The following ABRAXAS1 variants were observed in gnomAD, a reference collection of about 807,000 sequenced individuals.
ABRAXAS1 encodes abraxas 1, BRCA1 A complex subunit.
ABRAXAS1 carries 26 observed loss-of-function variants against 38.4 expected under a neutral mutation model. The observed-to-expected ratio is 0.68, with a 90% CI of 0.50 to 0.94. The LOEUF is 0.94. Ranked by LOEUF, ABRAXAS1 falls within the 40% of genes least tolerant of loss-of-function variation. The pLI, the probability that ABRAXAS1 is intolerant of heterozygous loss-of-function variation, is 0.00. For missense variants in ABRAXAS1, 438 were observed against 481.9 expected, an observed-to-expected ratio of 0.91 and a Z score of 0.85; for synonymous variants, 144 against 165.5, an observed-to-expected ratio of 0.87 and a Z score of 1.00.
At chr4:83,467,961 A>G (rs1233116276) in intron 6 of ABRAXAS1, among the ~76,000 whole-genome samples, 2 of 152,188 alleles carry the variant, frequency 1.3e-5, no homozygotes, top group Admixed American at 1.3e-4. Flanking sequence ...AAGTAATTCT[A>G]AGAAGGCATG....
At position 83,484,997 on chromosome 4, in the gene ABRAXAS1, C is replaced by A. The variant is rs955473473; in HGVS notation, c.76G>T (p.Asp26Tyr). ...GTCCCTCGGCTCACCGTGTCCGAGTCCGTGTTGAGGTGCTGGAAAGCGAGT... is the reference window on the plus strand; with the variant it reads ...GTCCCTCGGCTCACCGTGTCCGAGTACGTGTTGAGGTGCTGGAAAGCGAGT... ...GALAFQHLNTDSDTEGFLLGE... is the reference protein window; with the variant it reads ...GALAFQHLNTYSDTEGFLLGE... Residue 26 changes from aspartate (D) to tyrosine (Y), a missense_variant, in exon 1 of 9, where the codon GAC becomes TAC. By Grantham distance (160) the Asp-to-Tyr change is radical (BLOSUM62 -3). Around this residue, in one of 3 missense-constraint regions of ABRAXAS1, gnomAD observed 194 missense variants for 269.0 expected, o/e 0.72. Transcript: ENST00000321945. 6.3e-7 allele frequency: 1 copy of A among 1,589,056 alleles called. No homozygotes were observed. Among genetic ancestry groups the A allele is most frequent in the African/African-American group, 1.4e-5 (1 of 72,018 alleles).
chr4:83,462,921 C>T lies in ABRAXAS1; in HGVS notation c.797-19G>A, dbSNP rs199624910. The T allele has an allele frequency of 3.2e-4, 466 of 1,465,374 alleles. No individual in the cohort carries two copies. The highest frequency in any genetic ancestry group is 4.1e-4 in the Non-Finnish European group (440 of 1,084,388). 90.8% of individuals were successfully genotyped at this position (1,465,374 alleles called of 1,614,324 possible). A position where few individuals can be genotyped will look rare whatever the true frequency, so the allele number is the denominator to read the frequency against. On this transcript the variant is annotated intron_variant, in intron 8 of 8. Transcript: ENST00000321945. ...TTCTCTCCTAAACAAAATAGAATAA[C>T]AGTTCAACATATAACATTTCTTCTA...
In ABRAXAS1 at chr4:83,459,948, G is replaced by C; in HGVS notation, c.*2521C>G. The C allele has an allele frequency of 3.4e-6, 2 of 583,546 alleles. No individual in the cohort carries two copies. The highest frequency in any genetic ancestry group is 5.8e-6 in the Non-Finnish European group (2 of 342,096). The allele number at this position is 583,546 out of a possible 1,614,324, so 36.1% of individuals were successfully genotyped here. A position where few individuals can be genotyped will look rare whatever the true frequency, so the allele number is the denominator to read the frequency against. On this transcript the variant is annotated 3_prime_UTR_variant, in exon 9 of 9. Coordinates refer to ENST00000321945, the MANE Select transcript of ABRAXAS1 (RefSeq NM_139076.3). ...GACTAGAGCTAGTTACTATGAAAAA[G>C]TCTCTTAGGCCAAGAGGATTATTAT...
At chr4:83,484,296 T>C (rs1659726855) in intron 1 of ABRAXAS1, 1 of 752,476 alleles carries the variant, frequency 1.3e-6, no homozygotes, top group Non-Finnish European at 1.6e-6. Context: ...TTTCAGATGC[T>C]TAGACTTTCT....
At chr4:83,465,854 T>TA (rs548792185) in intron 7 of ABRAXAS1, among the ~76,000 whole-genome samples, 26 of 152,156 alleles carry the variant, frequency 1.7e-4, no homozygotes, top group Non-Finnish European at 3.1e-4. Context: ...TATGAAAAAG[T>TA]AGTGTAATAT....
chr4:83,484,517 A>G lies in ABRAXAS1; in HGVS notation c.87+469T>C, dbSNP rs373780280. Among the ~76,000 whole-genome samples, 21 of 152,372 alleles carry G rather than the reference A, an allele frequency of 1.4e-4. 1 individual carries two copies. The highest frequency in any genetic ancestry group is 8.5e-4 in the Admixed American group (13 of 15,306). On this transcript the variant is annotated intron_variant, in intron 1 of 8. Coordinates refer to ENST00000321945, the MANE Select transcript of ABRAXAS1 (RefSeq NM_139076.3). ...AGATTTGCCACTGGACGCAACATCTATTTTTATTCCCTTACCATCCTACCA... is the reference window on the plus strand; with the variant it reads ...AGATTTGCCACTGGACGCAACATCTGTTTTTATTCCCTTACCATCCTACCA...
intron 7 of ABRAXAS1, 185 bp downstream of exon 7, chr4:83,467,269 G>A (rs1430311842): frequency 1.2e-5 from 6 of 490,044 alleles, no homozygotes; most frequent in African/African-American, 1.2e-4. Flanking sequence ...GTTTGTGTAA[G>A]TATATGTTTG....
chr4:83,472,342 TTA>T, intron 3 of ABRAXAS1, 54 bp from the exon 4 acceptor site: 1 of 1,093,622 alleles, frequency 9.1e-7, no homozygotes, highest in Non-Finnish European at 1.3e-6. Context: ...ATAAGTAATT[TTA>T]TTAGTATTTT....
chr4:83,480,520 AC>A lies in ABRAXAS1; in HGVS notation c.178+1633del, dbSNP rs372024419. Among the ~76,000 whole-genome samples the A allele has an allele frequency of 4.7e-3, 712 of 152,302 alleles. 7 individuals are homozygous for A. The highest frequency in any genetic ancestry group is 0.016 in the African/African-American group (678 of 41,564). On this transcript the variant is annotated intron_variant, in intron 2 of 8. Coordinates refer to ENST00000321945, the MANE Select transcript of ABRAXAS1 (RefSeq NM_139076.3). ...TGAGAGTTTAAATTTTTTATTTCCTACTTTATATATTTCTATTTTTAAACTT... is the reference window on the plus strand; with the variant it reads ...TGAGAGTTTAAATTTTTTATTTCCTATTTATATATTTCTATTTTTAAACTT...
At chr4:83,484,872 G>A in intron 1 of ABRAXAS1, 114 bp downstream of exon 1, 2 of 834,246 alleles carry the variant, frequency 2.4e-6, no homozygotes, top group Non-Finnish European at 3.5e-6. Flanking sequence ...ACCGCAGGGA[G>A]GAGGCGCGGC....
At chr4:83,467,432 C>T (rs376420276) in intron 7 of ABRAXAS1, 22 bp downstream of exon 7, 18 of 1,255,248 alleles carry the variant, frequency 1.4e-5, no homozygotes, top group South Asian at 4.9e-5. Flanking sequence ...AAGTGGTTGA[C>T]GTGTTTGATA....
intron 1 of ABRAXAS1, 35 bp downstream of exon 1, chr4:83,484,951 G>T: frequency 6.5e-7 from 1 of 1,539,522 alleles, no homozygotes. Context: ...GCTCTTCCCA[G>T]GCGACGCCGG....
intron 4 of ABRAXAS1, 46 bp from the exon 5 acceptor site, chr4:83,470,442 A>G (rs907497479): frequency 7.3e-7 from 1 of 1,361,378 alleles, no homozygotes; most frequent in Non-Finnish European, 1.0e-6. Context: ...AGTTACAATG[A>G]TATGTCTTAC....
At chr4:83,464,851 G>A (rs1722288123) in intron 7 of ABRAXAS1, among the ~76,000 whole-genome samples, 1 of 151,488 alleles carries the variant, frequency 6.6e-6, no homozygotes, top group African/African-American at 2.4e-5. Flanking sequence ...TGCAGACACA[G>A]AAAGTTCTAT....
intron 3 of ABRAXAS1, among the ~76,000 whole-genome samples, chr4:83,476,221 C>T (rs2110044467): frequency 6.6e-6 from 1 of 152,130 alleles, no homozygotes; most frequent in South Asian, 2.1e-4. Context: ...AAGAACATAA[C>T]CAGCTAACAG....
chr4:83,480,399 C>T lies in ABRAXAS1; in HGVS notation c.178+1755G>A, dbSNP rs576047707. ...AACAAAAACAAAATGTATATATACACATATATATACACACACACATTTACA... is the reference window on the plus strand; with the variant it reads ...AACAAAAACAAAATGTATATATACATATATATATACACACACACATTTACA... On this transcript the variant is annotated intron_variant, in intron 2 of 8. Transcript: ENST00000321945. The T allele has an allele frequency of 8.7e-5, 35 of 402,858 alleles. No homozygotes were observed. In the Admixed American group the frequency reaches 9.8e-4, roughly 11 times the overall value. 25.0% of individuals were successfully genotyped at this position (402,858 alleles called of 1,614,324 possible). A position where few individuals can be genotyped will look rare whatever the true frequency, so the allele number is the denominator to read the frequency against.
intron 7 of ABRAXAS1, among the ~76,000 whole-genome samples, chr4:83,466,507 A>G (rs961974349): frequency 1.3e-5 from 2 of 151,990 alleles, no homozygotes; most frequent in African/African-American, 4.8e-5. Flanking sequence ...CGTTTTAAGC[A>G]AAGTTTTAAG....
Position 83,484,998 on chromosome 4 carries a change from C to A in ABRAXAS1, c.75G>T (p.Thr25=). The A allele has an allele frequency of 6.3e-7, 1 of 1,588,016 alleles. No individual in the cohort carries two copies. The highest frequency in any genetic ancestry group is 8.6e-7 in the Non-Finnish European group (1 of 1,167,480). ...LGALAFQHLN[T]DSDTEGFLLG... ...TCCCTCGGCTCACCGTGTCCGAGTC[C>A]GTGTTGAGGTGCTGGAAAGCGAGTG... is the stretch of plus-strand genomic sequence containing the variant. The change falls in exon 1 of 9, where the codon ACG becomes ACT. Residue 25 remains threonine, a synonymous_variant. Transcript: ENST00000321945.
In ABRAXAS1 at chr4:83,460,887, C is replaced by T. The variant is rs1339084061; in HGVS notation, c.*1582G>A. On this transcript the variant is annotated 3_prime_UTR_variant, in exon 9 of 9. Coordinates refer to ENST00000321945, the MANE Select transcript of ABRAXAS1 (RefSeq NM_139076.3). Reference sequence around the variant, plus strand: ...CACCACTGTACTCCAGCCTGGGTGACACAGGGAGACTCCATCTCAAAAAAA... The same window carrying T: ...CACCACTGTACTCCAGCCTGGGTGATACAGGGAGACTCCATCTCAAAAAAA... 1 of 1,145,072 alleles carries T rather than the reference C, an allele frequency of 8.7e-7. No individual in the cohort carries two copies. The highest frequency in any genetic ancestry group is 1.3e-6 in the Non-Finnish European group (1 of 785,604). The allele number at this position is 1,145,072 out of a possible 1,614,324, so 70.9% of individuals were successfully genotyped here. A position where few individuals can be genotyped will look rare whatever the true frequency, so the allele number is the denominator to read the frequency against.
Sources: gnomAD v4.1 joint callset for allele counts (sites outside exome capture counted in the v4.1 genomes callset) on GRCh38, gnomAD v4.1.1 for gene constraint, gnomAD v4.1.1 regional missense constraint, MANE v1.5 for transcripts, NCBI Gene and HGNC (gene_info 2026-07-23, HGNC 2026-07-21) for gene names.